TRIO: variants seen among roughly 807,000 people sequenced by gnomAD.
TRIO encodes the protein triple functional domain protein.
A neutral mutation model predicts 351.9 loss-of-function variants in TRIO; 58 were observed. That is an observed-to-expected ratio of 0.16 (90% CI 0.13 to 0.21). The LOEUF (loss-of-function observed/expected upper bound fraction) is 0.21, where lower values mean the gene tolerates loss of function less well. TRIO is among the 10% of genes least tolerant of loss of function. TRIO has a pLI of 1.00. For synonymous variants in TRIO, 1,758 were observed against 1,595.7 expected, an observed-to-expected ratio of 1.10 and a Z score of -2.42; for missense variants, 3,201 against 4,027.8, an observed-to-expected ratio of 0.79 and a Z score of 5.56.
chr5:14,396,546 T>G (rs1747613498), intron 28 of TRIO, among the ~76,000 whole-genome samples: 1 of 132,568 alleles, frequency 7.5e-6, no homozygotes, highest in African/African-American at 2.8e-5. Context: ...CTTGGCTCAC[T>G]GCAGCCTCCA....
intron 1 of TRIO, among the ~76,000 whole-genome samples, chr5:14,229,188 A>G (rs1256446955): frequency 6.6e-6 from 1 of 151,790 alleles, no homozygotes; most frequent in Non-Finnish European, 1.5e-5. Flanking sequence ...TCATACCCTG[A>G]TCTAGAACAG....
intron 28 of TRIO, among the ~76,000 whole-genome samples, chr5:14,394,880 T>A (rs1004456822): frequency 4.6e-5 from 7 of 152,220 alleles, no homozygotes; most frequent in Non-Finnish European, 8.8e-5. Flanking sequence ...AATACACATT[T>A]TCTTGACTAC....
At chr5:14,192,344 C>T (rs968900108) in intron 1 of TRIO, among the ~76,000 whole-genome samples, 2 of 151,714 alleles carry the variant, frequency 1.3e-5, no homozygotes, top group Non-Finnish European at 2.9e-5. Flanking sequence ...ACTGCAACTT[C>T]TACCTCCTGG....
intron 52 of TRIO, 29 bp downstream of exon 52, chr5:14,498,280 C>A: frequency 1.2e-6 from 2 of 1,605,782 alleles, no homozygotes; most frequent in South Asian, 2.2e-5. Context: ...TGGTGGGTTT[C>A]GCTGGCTGGG....
intron 34 of TRIO, chr5:14,440,715 A>G (rs1000732839): frequency 6.6e-6 from 1 of 152,148 alleles, no homozygotes; most frequent in Non-Finnish European, 1.5e-5. Flanking sequence ...TTTTTTATCA[A>G]GTCACATCAG....
chr5:14,437,683 A>AG (rs1751693271), intron 34 of TRIO, among the ~76,000 whole-genome samples: 3 of 108,298 alleles, frequency 2.8e-5, no homozygotes, highest in African/African-American at 4.5e-5. Context: ...TTGGATGAGG[A>AG]CCACCCCCCC....
chr5:14,186,819 C>T (rs908919723), intron 1 of TRIO, among the ~76,000 whole-genome samples: 1 of 152,086 alleles, frequency 6.6e-6, no homozygotes, highest in South Asian at 2.1e-4. Flanking sequence ...TTAAGGTGAT[C>T]CACCTGTCTC....
At chr5:14,287,576 A>T (rs1736556710) in intron 4 of TRIO, among the ~76,000 whole-genome samples, 1 of 152,206 alleles carries the variant, frequency 6.6e-6, no homozygotes, top group South Asian at 2.1e-4. Context: ...TCCTGAATTC[A>T]GTTAGGCATG....
chr5:14,391,662 T>G (rs1194005523), intron 27 of TRIO, among the ~76,000 whole-genome samples: 1 of 152,238 alleles, frequency 6.6e-6, no homozygotes, highest in African/African-American at 2.4e-5. Flanking sequence ...CAATACATTT[T>G]GATTGAAGGA....
chr5:14,480,364 G>T (rs572286213), intron 43 of TRIO, among the ~76,000 whole-genome samples: 60 of 152,176 alleles, frequency 3.9e-4, no homozygotes, highest in African/African-American at 1.4e-3. Flanking sequence ...TATTTACATC[G>T]AGTTCAGAAT....
rs1466171905 is a variant in TRIO, at chr5:14,498,092, C to T, written c.8051C>T (p.Pro2684Leu). 2 of 1,614,160 alleles carry T rather than the reference C, an allele frequency of 1.2e-6. No individual in the cohort carries two copies. Among genetic ancestry groups the T allele is most frequent in the South Asian group, 1.1e-5 (1 of 91,082 alleles). Residue 2684 changes from proline to leucine, a missense_variant, in exon 52 of 57, where the codon CCC (proline) becomes CTC (leucine). Physicochemically the swap from Pro to Leu is moderately conservative, Grantham distance 98. Transcript: ENST00000344204. ...LLNPNYIYDV[P>L]PEFVIPLSEV... ...TACCGACTCCTTTCCCATGCAGTTC[C>T]CCCAGAATTCGTCATTCCATTGAGT... is the stretch of plus-strand genomic sequence containing the variant.
At chr5:14,437,722 C>G (rs558528316) in intron 34 of TRIO, among the ~76,000 whole-genome samples, 2 of 143,274 alleles carry the variant, frequency 1.4e-5, no homozygotes, top group East Asian at 4.0e-4. Flanking sequence ...TTAACTCTTT[C>G]ACCTCTTTAA....
At chr5:14,374,196 A>G (rs769275265) in intron 18 of TRIO, 33 bp from the exon 19 acceptor site, 79 of 1,573,352 alleles carry the variant, frequency 5.0e-5, no homozygotes, top group Non-Finnish European at 6.7e-5. Context: ...TAGAAGTCAA[A>G]TTAGCAACAC....
chr5:14,223,594 A>G (rs936639206), intron 1 of TRIO, among the ~76,000 whole-genome samples: 1 of 152,150 alleles, frequency 6.6e-6, no homozygotes, highest in Non-Finnish European at 1.5e-5. Flanking sequence ...TTTACTTTCA[A>G]AACCCCTTCT....
chr5:14,282,784 C>G (rs1736118046), intron 3 of TRIO, among the ~76,000 whole-genome samples: 1 of 152,268 alleles, frequency 6.6e-6, no homozygotes, highest in East Asian at 1.9e-4. Context: ...GACCCTCCGG[C>G]CACTGAACAG....
At chr5:14,487,281 C>T (rs1042765133) in intron 47 of TRIO, among the ~76,000 whole-genome samples, 183 bp from the exon 48 acceptor site, 2 of 152,094 alleles carry the variant, frequency 1.3e-5, no homozygotes, top group Admixed American at 1.3e-4. Context: ...CTGCACTCAG[C>T]CGGCATCCCA....
intron 48 of TRIO, chr5:14,488,534 T>A (rs1579808516): frequency 1.9e-5 from 10 of 535,764 alleles, no homozygotes; most frequent in South Asian, 1.8e-4. Flanking sequence ...ACCAGCAGAA[T>A]ATCTTCTTGG....
At position 14,497,712 on chromosome 5, in the gene TRIO, G is replaced by A. The variant is rs201538139; in HGVS notation, c.8020-135G>A. On this transcript the variant is annotated intron_variant, in intron 50 of 56. Transcript: ENST00000344204. This position sits in a 1 kb window ranked among gnomAD's most constrained non-coding sequence, Gnocchi z 4.4. ...TGAAACTTTTGAGTGCAGTGAAAAT[G>A]TGGTCTGTTTTGATTGATGCCCAGG... The A allele has an allele frequency of 4.5e-6, 5 of 1,113,976 alleles. No homozygotes were observed. Among genetic ancestry groups the A allele is most frequent in the Non-Finnish European group, 6.7e-6 (5 of 743,252 alleles). The allele number at this position is 1,113,976 out of a possible 1,614,324, so 69.0% of individuals were successfully genotyped here.
intron 1 of TRIO, among the ~76,000 whole-genome samples, chr5:14,204,077 C>G (rs1399949406): frequency 6.6e-6 from 1 of 152,170 alleles, no homozygotes; most frequent in Non-Finnish European, 1.5e-5. Context: ...AGTACTTGAG[C>G]CTGTCAATAG....
Sources: allele counts gnomAD v4.1 joint callset (sites outside exome capture counted in the v4.1 genomes callset), GRCh38; gene constraint gnomAD v4.1.1; non-coding constraint Gnocchi (gnomAD v3.1); transcripts MANE v1.5; gene names NCBI Gene and HGNC (gene_info 2026-07-23, HGNC 2026-07-21).